Variants in TMEM74 observed in about 807,000 individuals in gnomAD.
TMEM74 encodes the protein transmembrane protein 74.
TMEM74 carries 13 observed loss-of-function variants against 18.1 expected under a neutral mutation model. The observed-to-expected ratio is 0.72, with a 90% CI of 0.47 to 1.14. The LOEUF (loss-of-function observed/expected upper bound fraction) is 1.14. Ranked by LOEUF, TMEM74 falls within the 50% of genes most tolerant of loss-of-function variation. The pLI is 0.00. For missense variants in TMEM74, 372 were observed against 375.9 expected (o/e 0.99, Z 0.09); for synonymous variants, 159 against 146.6 (o/e 1.08, Z -0.61).
intron 1 of TMEM74, among the ~76,000 whole-genome samples, chr8:108,712,459 C>G (rs1813483769): frequency 6.6e-6 from 1 of 152,132 alleles, no homozygotes; most frequent in African/African-American, 2.4e-5. Context: ...TAAAGCTTCA[C>G]CAAGTGAAGC....
intron 2 of TMEM74, among the ~76,000 whole-genome samples, chr8:108,654,374 C>G (rs11996786): frequency 0.27 from 41,279 of 151,934 alleles, 5,665 homozygotes; most frequent in Middle Eastern, 0.33. Context: ...TAGGGTTATA[C>G]TGAGGATTAA....
chr8:108,694,377 C>T (rs867357733), intron 1 of TMEM74, among the ~76,000 whole-genome samples: 2 of 151,908 alleles, frequency 1.3e-5, no homozygotes, highest in South Asian at 2.1e-4. Flanking sequence ...ATACATGCTG[C>T]GATGTGGACA....
intron 1 of TMEM74, among the ~76,000 whole-genome samples, chr8:108,760,175 G>GGGAGA (rs1563544851): frequency 7.3e-5 from 10 of 136,564 alleles, no homozygotes; most frequent in African/African-American, 3.1e-4. Flanking sequence ...AGAGAGAGAG[G>GGGAGA]GAGAGAGAGA....
chr8:108,629,499 C>G (rs192749272), intron 2 of TMEM74, among the ~76,000 whole-genome samples: 1 of 152,072 alleles, frequency 6.6e-6, no homozygotes, highest in Admixed American at 6.5e-5. Flanking sequence ...CTAAGATACT[C>G]ATAGACAAGA....
At chr8:108,685,570 TA>T (rs1484319692) in intron 1 of TMEM74, among the ~76,000 whole-genome samples, 1 of 152,156 alleles carries the variant, frequency 6.6e-6, no homozygotes, top group Non-Finnish European at 1.5e-5. Context: ...TAATACTTAA[TA>T]GGGGAACATT....
intron 1 of TMEM74, among the ~76,000 whole-genome samples, chr8:108,748,168 A>G (rs1813869413): frequency 6.6e-6 from 1 of 152,128 alleles, no homozygotes. Flanking sequence ...GAACTAATTT[A>G]CACTCCCACC....
intron 2 of TMEM74, among the ~76,000 whole-genome samples, chr8:108,621,272 G>A (rs1016108987): frequency 6.6e-6 from 1 of 152,112 alleles, no homozygotes; most frequent in Non-Finnish European, 1.5e-5. Context: ...CAATTCCACC[G>A]AGGACTCTCC....
chr8:108,671,562 A>G (rs1390430591), intron 1 of TMEM74, among the ~76,000 whole-genome samples: 1 of 152,152 alleles, frequency 6.6e-6, no homozygotes, highest in Non-Finnish European at 1.5e-5. Context: ...GGTTCTCCGA[A>G]AATGTTGAGT....
At chr8:108,679,690 T>G (rs1280259011) in intron 1 of TMEM74, among the ~76,000 whole-genome samples, 1 of 152,196 alleles carries the variant, frequency 6.6e-6, no homozygotes, top group East Asian at 1.9e-4. Flanking sequence ...TCTCCCATTT[T>G]GTAGGTTGTC....
intron 1 of TMEM74, among the ~76,000 whole-genome samples, chr8:108,658,259 A>T (rs928556178): frequency 1.3e-5 from 2 of 152,094 alleles, no homozygotes; most frequent in East Asian, 3.9e-4. Context: ...TCAAACTGGT[A>T]CATCAGTCTT....
intron 1 of TMEM74, among the ~76,000 whole-genome samples, chr8:108,729,726 T>G (rs183395501): frequency 6.6e-6 from 1 of 152,330 alleles, no homozygotes; most frequent in African/African-American, 2.4e-5. Flanking sequence ...TTTCATTTCA[T>G]CCCATTCCAT....
At chr8:108,742,415 T>G (rs1813810070) in intron 1 of TMEM74, among the ~76,000 whole-genome samples, 1 of 152,212 alleles carries the variant, frequency 6.6e-6, no homozygotes, top group Admixed American at 6.5e-5. Context: ...CATGCTATGA[T>G]AGCTATTACC....
chr8:108,666,558 C>A (rs1397762010), intron 1 of TMEM74, among the ~76,000 whole-genome samples: 1 of 152,110 alleles, frequency 6.6e-6, no homozygotes, highest in Non-Finnish European at 1.5e-5. Flanking sequence ...TTCTTTTGCT[C>A]GTGTAATCTA....
intron 2 of TMEM74, among the ~76,000 whole-genome samples, chr8:108,636,208 A>T (rs1008723769): frequency 2.0e-5 from 3 of 152,040 alleles, no homozygotes; most frequent in African/African-American, 4.8e-5. Flanking sequence ...GAGATCTTCC[A>T]TCTTATTCTT....
intron 2 of TMEM74, among the ~76,000 whole-genome samples, chr8:108,651,674 T>A (rs1193965104): frequency 6.6e-6 from 1 of 152,070 alleles, no homozygotes; most frequent in Non-Finnish European, 1.5e-5. Flanking sequence ...TGTGTATGTG[T>A]GTGGTTGGGG....
intron 2 of TMEM74, among the ~76,000 whole-genome samples, chr8:108,630,075 G>A (rs1812535319): frequency 6.6e-6 from 1 of 152,008 alleles, no homozygotes. Context: ...TCAATGTGCT[G>A]TATTCAGGAT....
chr8:108,764,502 T>G (rs1046974152), intron 1 of TMEM74, among the ~76,000 whole-genome samples: 22 of 152,274 alleles, frequency 1.4e-4, no homozygotes, highest in Non-Finnish European at 4.4e-5. Flanking sequence ...CTGGATGCCA[T>G]GTACATTTTT....
intron 1 of TMEM74, among the ~76,000 whole-genome samples, chr8:108,701,823 T>A (rs1256516801): frequency 6.6e-6 from 1 of 152,184 alleles, no homozygotes; most frequent in African/African-American, 2.4e-5. Context: ...AAGATGTCTT[T>A]TCTCCCCAAA....
intron 1 of TMEM74, among the ~76,000 whole-genome samples, chr8:108,671,684 T>C (rs534022727): frequency 1.2e-3 from 175 of 152,144 alleles, no homozygotes; most frequent in Middle Eastern, 3.4e-3. Context: ...TGGTATTTCA[T>C]GGCAACAGGG....
Sources: gnomAD v4.1 joint callset for allele counts (sites outside exome capture counted in the v4.1 genomes callset) on GRCh38, gnomAD v4.1.1 for gene constraint, MANE v1.5 for transcripts, NCBI Gene and HGNC (gene_info 2026-07-23, HGNC 2026-07-21) for gene names.